The following KCNIP4 variants were observed in gnomAD, a reference collection of about 807,000 sequenced individuals.
KCNIP4 encodes the protein Kv channel-interacting protein 4.
KCNIP4 carries 12 observed loss-of-function variants against 34.0 expected under a neutral mutation model. The ratio of observed to expected loss-of-function variants is 0.35; its 90% confidence interval spans 0.23 to 0.57. The LOEUF (loss-of-function observed/expected upper bound fraction) is 0.57, where lower values mean the gene tolerates loss of function less well. Among genes scored for constraint, KCNIP4 ranks in the 20% least tolerant of loss-of-function variants. The probability of loss-of-function intolerance (pLI) is 0.83; values close to 1 mark genes in which losing one functional copy is unlikely to be tolerated. For missense variants in KCNIP4, 238 were observed against 311.7 expected (o/e 0.76, Z 1.78); for synonymous variants, 124 against 102.2 (o/e 1.21, Z -1.29).
At chr4:20,987,659 C>T (rs1478356488) in intron 1 of KCNIP4, among the ~76,000 whole-genome samples, 1 of 152,038 alleles carries the variant, frequency 6.6e-6, no homozygotes, top group African/African-American at 2.4e-5. Flanking sequence ...ATAGTAGCTA[C>T]CAACATTTAT....
At chr4:21,356,849 G>A (rs896270598) in intron 1 of KCNIP4, among the ~76,000 whole-genome samples, 9 of 152,188 alleles carry the variant, frequency 5.9e-5, no homozygotes, top group East Asian at 1.9e-4. Flanking sequence ...AAAAGAGCCC[G>A]CATAGCCAAG....
At chr4:21,742,646 G>C (rs568948990) in intron 1 of KCNIP4, among the ~76,000 whole-genome samples, 12 of 152,210 alleles carry the variant, frequency 7.9e-5, no homozygotes, top group African/African-American at 2.9e-4. Flanking sequence ...TCAAGTTAAT[G>C]GTATGTATAT....
intron 1 of KCNIP4, among the ~76,000 whole-genome samples, chr4:21,401,583 A>G (rs142746955): frequency 3.3e-5 from 5 of 152,352 alleles, no homozygotes; most frequent in Admixed American, 1.3e-4. Flanking sequence ...GCAAGAAAAA[A>G]AATCCCTTTC....
Position 21,297,891 on chromosome 4 carries a change from CTT to C in KCNIP4, c.62-415184_62-415183del, listed in dbSNP as rs542992217. Among the ~76,000 whole-genome samples, 14 of 151,986 alleles carry C rather than the reference CTT, an allele frequency of 9.2e-5. No individual in the cohort carries two copies. The East Asian group carries it at 2.7e-3, about 29-fold the overall frequency. ...TAAGAGAAGTTCATACTGTGTATGA[CTT>C]TTATGTATCTCTGTATGTTTTATCT... On this transcript the variant is annotated intron_variant, in intron 1 of 8. Transcript: ENST00000382152.
Position 21,145,799 on chromosome 4 carries a change from CAGG to C in KCNIP4, c.62-263093_62-263091del, listed in dbSNP as rs1378359416. 2.0e-5 allele frequency among the ~76,000 whole-genome samples: 3 copies of C among 152,192 alleles called. No homozygotes were observed. In the East Asian group the frequency reaches 5.8e-4, roughly 29 times the overall value. On this transcript the variant is annotated intron_variant, in intron 1 of 8. Coordinates refer to ENST00000382152, the MANE Select transcript of KCNIP4 (RefSeq NM_025221.6). ...AGATGAGCAAATGAATCCCAAGTAT[CAGG>C]AGTACACAGGACCAGAAAAGAAGTA...
At chr4:21,825,452 G>A (rs1278011226) in intron 1 of KCNIP4, among the ~76,000 whole-genome samples, 1 of 152,074 alleles carries the variant, frequency 6.6e-6, no homozygotes, top group East Asian at 1.9e-4. Flanking sequence ...TGTTGAATAG[G>A]AAATTTCCAT....
At chr4:20,872,335 T>C (rs1723564700) in intron 2 of KCNIP4, among the ~76,000 whole-genome samples, 1 of 152,154 alleles carries the variant, frequency 6.6e-6, no homozygotes, top group Non-Finnish European at 1.5e-5. Context: ...CTTCCTCTTT[T>C]TAATGAAACC....
chr4:20,891,923 A>G (rs1725956043), intron 1 of KCNIP4, among the ~76,000 whole-genome samples: 1 of 152,204 alleles, frequency 6.6e-6, no homozygotes, highest in African/African-American at 2.4e-5. Context: ...ACATACACTC[A>G]GAATTCATTT....
intron 3 of KCNIP4, among the ~76,000 whole-genome samples, chr4:20,829,768 T>C (rs945493036): frequency 6.6e-6 from 1 of 152,180 alleles, no homozygotes; most frequent in Non-Finnish European, 1.5e-5. Flanking sequence ...CTCTGCTCTG[T>C]CAGAGTGATA....
chr4:21,606,087 C>G (rs543284142), intron 1 of KCNIP4, among the ~76,000 whole-genome samples: 2 of 152,072 alleles, frequency 1.3e-5, no homozygotes, highest in African/African-American at 4.8e-5. Context: ...GGAGTTGAAC[C>G]CATGCCTGGA....
chr4:21,257,673 C>G (rs1301259480), intron 1 of KCNIP4, among the ~76,000 whole-genome samples: 1 of 151,656 alleles, frequency 6.6e-6, no homozygotes, highest in Non-Finnish European at 1.5e-5. Flanking sequence ...TTGCTTGAAC[C>G]CAGGAGGCGG....
chr4:21,878,651 G>T (rs1347023437), intron 1 of KCNIP4, among the ~76,000 whole-genome samples: 1 of 152,048 alleles, frequency 6.6e-6, no homozygotes, highest in Non-Finnish European at 1.5e-5. Context: ...TAAAGCTTAG[G>T]TCACCCTTAG....
At chr4:21,641,236 C>T (rs1466242798) in intron 1 of KCNIP4, among the ~76,000 whole-genome samples, 3 of 152,240 alleles carry the variant, frequency 2.0e-5, no homozygotes, top group East Asian at 1.9e-4. Context: ...TATATTACTA[C>T]ATCTCTTACA....
chr4:21,385,092 T>A (rs1483306570), intron 1 of KCNIP4, among the ~76,000 whole-genome samples: 1 of 152,180 alleles, frequency 6.6e-6, no homozygotes, highest in Non-Finnish European at 1.5e-5. Flanking sequence ...TAGAAGCAAC[T>A]GGGTAGAGGA....
intron 3 of KCNIP4, among the ~76,000 whole-genome samples, chr4:20,783,973 G>C (rs1019269709): frequency 3.9e-5 from 6 of 152,086 alleles, no homozygotes; most frequent in Non-Finnish European, 5.9e-5. Context: ...TGGAAAAATG[G>C]CAGGCCTGGT....
At chr4:21,263,301 A>G (rs1006272723) in intron 1 of KCNIP4, among the ~76,000 whole-genome samples, 1 of 152,216 alleles carries the variant, frequency 6.6e-6, no homozygotes, top group Middle Eastern at 3.2e-3. Flanking sequence ...TTCAGAAGAG[A>G]AAACTAATAT....
intron 1 of KCNIP4, among the ~76,000 whole-genome samples, chr4:21,092,642 A>G (rs1221959696): frequency 6.6e-6 from 1 of 152,116 alleles, no homozygotes; most frequent in African/African-American, 2.4e-5. Context: ...ATAAGGGTAG[A>G]GAGCCAATGA....
At chr4:21,263,834 TTC>T (rs1211602248) in intron 1 of KCNIP4, among the ~76,000 whole-genome samples, 3 of 152,002 alleles carry the variant, frequency 2.0e-5, no homozygotes. Context: ...TAAATTTTTT[TTC>T]TTTTTTTGGT....
At chr4:21,434,272 C>T (rs1297412087) in intron 1 of KCNIP4, among the ~76,000 whole-genome samples, 1 of 152,168 alleles carries the variant, frequency 6.6e-6, no homozygotes, top group Non-Finnish European at 1.5e-5. Context: ...AATTCCTTTT[C>T]TCACCTGAAA....
Sources: allele counts gnomAD v4.1 joint callset (sites outside exome capture counted in the v4.1 genomes callset), GRCh38; gene constraint gnomAD v4.1.1; transcripts MANE v1.5; gene names NCBI Gene and HGNC (gene_info 2026-07-23, HGNC 2026-07-21).